Variants in DHX35 observed in about 807,000 individuals in gnomAD.
The protein encoded by DHX35 is probable ATP-dependent RNA helicase DHX35.
In DHX35, 84 loss-of-function variants were observed where a neutral mutation model predicts 99.6. The observed-to-expected ratio is 0.84, with a 90% CI of 0.71 to 1.01. The LOEUF is 1.01. Among genes scored for constraint, DHX35 ranks in the 50% least tolerant of loss-of-function variants. DHX35 has a pLI of 0.00. For synonymous variants in DHX35, 331 were observed against 316.2 expected (o/e 1.05, Z -0.50); for missense variants, 852 against 888.5 (o/e 0.96, Z 0.52).
chr20:38,995,126 C>G (rs1347440856), intron 8 of DHX35, among the ~76,000 whole-genome samples: 1 of 152,226 alleles, frequency 6.6e-6, no homozygotes. Context: ...TCTTTCTCCC[C>G]ACTTACACAG....
chr20:38,968,970 A>AT (rs1344100634), intron 1 of DHX35, 111 bp from the exon 2 acceptor site: 5 of 1,265,906 alleles, frequency 3.9e-6, no homozygotes, highest in Non-Finnish European at 5.3e-6. Context: ...GTAGTTTGAG[A>AT]TAAAAAGTAT....
chr20:38,969,958 A>T (rs2085968826), intron 2 of DHX35, among the ~76,000 whole-genome samples: 1 of 152,164 alleles, frequency 6.6e-6, no homozygotes, highest in Non-Finnish European at 1.5e-5. Context: ...TGAGGGGTGA[A>T]TTCTCCCTGC....
chr20:38,962,380 G>C lies in DHX35; in HGVS notation c.13G>C (p.Val5Leu). 1.2e-6 allele frequency: 2 copies of C among 1,612,790 alleles called. No homozygotes were observed. Among genetic ancestry groups the C allele is most frequent in the Non-Finnish European group, 1.7e-6 (2 of 1,179,324 alleles). ...CTTTTACCCCAACATGGCTGCGCCC[G>C]TGGGACCGGTGAAGTTCTGGCGACC... is the stretch of plus-strand genomic sequence containing the variant. MAAP[V>L]GPVKFWRPGT... The change falls in exon 1 of 22, where the codon GTG (valine) becomes CTG (leucine). Residue 5 changes from valine to leucine, a missense_variant. Transcript: ENST00000252011.
intron 14 of DHX35, among the ~76,000 whole-genome samples, chr20:39,017,209 G>A (rs879921141): frequency 6.6e-6 from 1 of 152,092 alleles, no homozygotes; most frequent in Non-Finnish European, 1.5e-5. Context: ...GGTATGGAGT[G>A]AGGTAGGGGT....
At chr20:38,977,973 G>A (rs1020013841) in intron 3 of DHX35, 33 of 658,456 alleles carry the variant, frequency 5.0e-5, no homozygotes, top group African/African-American at 4.7e-4. Context: ...TCTCTGGAAC[G>A]TTGCTACCAC....
chr20:39,000,653 G>A (rs759217843), intron 8 of DHX35, among the ~76,000 whole-genome samples: 31 of 152,272 alleles, frequency 2.0e-4, no homozygotes, highest in Middle Eastern at 3.4e-3. Flanking sequence ...TTCACTTAGC[G>A]TTTGATGCCA....
chr20:38,970,305 T>G (rs897719606), intron 2 of DHX35, among the ~76,000 whole-genome samples: 4 of 152,200 alleles, frequency 2.6e-5, no homozygotes, highest in African/African-American at 9.7e-5. Context: ...TCCAAACAGA[T>G]AGGCAACAGC....
intron 5 of DHX35, among the ~76,000 whole-genome samples, chr20:38,990,211 T>C (rs1313477546): frequency 1.3e-5 from 2 of 152,212 alleles, no homozygotes; most frequent in Non-Finnish European, 2.9e-5. Context: ...TCTCGACTGG[T>C]GATTTGTCAT....
At chr20:38,990,297 G>A (rs992186631) in intron 5 of DHX35, among the ~76,000 whole-genome samples, 1 of 152,170 alleles carries the variant, frequency 6.6e-6, no homozygotes, top group Non-Finnish European at 1.5e-5. Flanking sequence ...AATGCATCCT[G>A]CTCTTAAAAC....
chr20:39,019,668 T>C (rs2145927715), intron 15 of DHX35, among the ~76,000 whole-genome samples: 1 of 152,338 alleles, frequency 6.6e-6, no homozygotes, highest in African/African-American at 2.4e-5. Context: ...TCAAGCAAAT[T>C]AACATATTCA....
At chr20:39,033,025 GAGGTCAGGAGTTC>G (rs1473127089) in intron 20 of DHX35, among the ~76,000 whole-genome samples, 4 of 152,118 alleles carry the variant, frequency 2.6e-5, no homozygotes, top group Non-Finnish European at 5.9e-5. Context: ...AGGATTGCTT[GAGGTCAGGAGTTC>G]AATACCAGCC....
chr20:38,970,797 CTT>C (rs2085983615), intron 2 of DHX35, among the ~76,000 whole-genome samples: 1 of 151,254 alleles, frequency 6.6e-6, no homozygotes, highest in African/African-American at 2.4e-5. Flanking sequence ...CTTGACTATT[CTT>C]TGTCTCCCAA....
At chr20:38,979,162 G>GTT (rs1175217944) in intron 3 of DHX35, among the ~76,000 whole-genome samples, 1 of 149,880 alleles carries the variant, frequency 6.7e-6, no homozygotes, top group Non-Finnish European at 1.5e-5. Context: ...TGTATTGTTG[G>GTT]TTTTTTTTTC....
At position 38,979,899 on chromosome 20, in the gene DHX35, T is replaced by G. The variant is rs116809183; in HGVS notation, c.268-3800T>G. 4.6e-3 allele frequency among the ~76,000 whole-genome samples: 697 copies of G among 152,072 alleles called. 8 individuals are homozygous for G. Among genetic ancestry groups the G allele is most frequent in the African/African-American group, 0.016 (672 of 41,490 alleles). ...AAGGGCTATGAACACAAGCTCTTCTTAAGTACAATTTTTATTAGTACTGTT... is the reference window on the plus strand; with the variant it reads ...AAGGGCTATGAACACAAGCTCTTCTGAAGTACAATTTTTATTAGTACTGTT... On this transcript the variant is annotated intron_variant, in intron 3 of 21. Transcript: ENST00000252011.
chr20:39,001,004 C>A (rs2086510896), intron 8 of DHX35, among the ~76,000 whole-genome samples: 2 of 152,180 alleles, frequency 1.3e-5, no homozygotes, highest in South Asian at 4.1e-4. Context: ...CTTCCCCCAT[C>A]ATTGGCTGGA....
chr20:39,023,913 A>C (rs1352745578), intron 17 of DHX35, 146 bp downstream of exon 17: 1 of 666,568 alleles, frequency 1.5e-6, no homozygotes, highest in African/African-American at 1.8e-5. Flanking sequence ...CAGTACTTCT[A>C]ACTGGTGGGT....
intron 21 of DHX35, among the ~76,000 whole-genome samples, chr20:39,034,599 T>C (rs1056766001): frequency 7.9e-6 from 1 of 125,804 alleles, no homozygotes; most frequent in East Asian, 2.5e-4. Flanking sequence ...TATTTTTTTT[T>C]TTTTTTTTGA....
intron 9 of DHX35, among the ~76,000 whole-genome samples, chr20:39,002,468 A>C (rs545293527): frequency 8.9e-4 from 135 of 152,312 alleles, no homozygotes; most frequent in African/African-American, 3.2e-3. Context: ...CACTGGGACC[A>C]CAGCTTCCGA....
intron 4 of DHX35, among the ~76,000 whole-genome samples, chr20:38,984,299 G>T (rs1317192034): frequency 6.6e-6 from 1 of 151,872 alleles, no homozygotes; most frequent in African/African-American, 2.4e-5. Context: ...AAAGTGCTGA[G>T]GAAATAAAAA....
Sources: allele counts gnomAD v4.1 joint callset (sites outside exome capture counted in the v4.1 genomes callset), GRCh38; gene constraint gnomAD v4.1.1; transcripts MANE v1.5; gene names NCBI Gene and HGNC (gene_info 2026-07-23, HGNC 2026-07-21).